Variants in MEI1 observed in about 807,000 individuals in gnomAD.
MEI1 encodes the protein meiosis inhibitor protein 1.
MEI1 carries 103 observed loss-of-function variants against 146.2 expected under a neutral mutation model. The observed-to-expected ratio is 0.70, with a 90% CI of 0.60 to 0.83. The LOEUF is 0.83. Ranked by LOEUF, MEI1 falls within the 40% of genes least tolerant of loss-of-function variation. MEI1 has a pLI of 0.00. For synonymous variants in MEI1, 652 were observed against 628.2 expected, an observed-to-expected ratio of 1.04 and a Z score of -0.57; for missense variants, 1,529 against 1,533.0, an observed-to-expected ratio of 1.00 and a Z score of 0.04.
intron 18 of MEI1, 116 bp downstream of exon 18, chr22:41,758,649 T>G: frequency 1.8e-6 from 2 of 1,089,952 alleles, no homozygotes; most frequent in South Asian, 3.4e-5. Flanking sequence ...GACACGGGGA[T>G]AAGTAAGAAA....
intron 17 of MEI1, among the ~76,000 whole-genome samples, chr22:41,754,398 A>C (rs972089595): frequency 6.6e-6 from 1 of 151,178 alleles, no homozygotes; most frequent in African/African-American, 2.5e-5. Flanking sequence ...TTCTTCATTC[A>C]TTCAAGTAGT....
chr22:41,722,729 C>T (rs1480431393), intron 6 of MEI1, among the ~76,000 whole-genome samples: 4 of 152,128 alleles, frequency 2.6e-5, no homozygotes, highest in Non-Finnish European at 5.9e-5. Flanking sequence ...TAGAAGCCTT[C>T]CCTGGGCCCC....
At chr22:41,732,755 C>T (rs1396951612) in intron 11 of MEI1, among the ~76,000 whole-genome samples, 152 bp downstream of exon 11, 1 of 151,436 alleles carries the variant, frequency 6.6e-6, no homozygotes, top group Non-Finnish European at 1.5e-5. Context: ...TCCATGGATT[C>T]AACCAACCAT....
chr22:41,757,714 C>G (rs973831200), intron 17 of MEI1, among the ~76,000 whole-genome samples: 2 of 152,140 alleles, frequency 1.3e-5, no homozygotes, highest in African/African-American at 4.8e-5. Flanking sequence ...CAATATAGCG[C>G]TGATCACATG....
chr22:41,752,219 G>A (rs1454347014), intron 15 of MEI1, among the ~76,000 whole-genome samples: 2 of 152,186 alleles, frequency 1.3e-5, no homozygotes, highest in African/African-American at 2.4e-5. Context: ...ACTGAAAGAA[G>A]GGATAGAAGG....
Position 41,718,856 on chromosome 22 carries a change from G to C in MEI1, c.733+582G>C, listed in dbSNP as rs539876573. On this transcript the variant is annotated intron_variant, in intron 6 of 30. Coordinates refer to ENST00000401548, the MANE Select transcript of MEI1 (RefSeq NM_152513.4). ...GCAAGAGAAAAAGCTAGAGGGGACT[G>C]AACTTGTCCTTTTTTTTCTTTTTTC... 3.4e-4 allele frequency among the ~76,000 whole-genome samples: 51 copies of C among 152,048 alleles called. 3 individuals carry two copies. In the South Asian group the frequency reaches 0.01, roughly 31 times the overall value.
intron 11 of MEI1, among the ~76,000 whole-genome samples, chr22:41,738,277 A>AC (rs922328938): frequency 7.3e-5 from 11 of 151,440 alleles, no homozygotes; most frequent in Non-Finnish European, 1.6e-4. Context: ...ACATGGTGAA[A>AC]CCCCATCTTT....
Position 41,795,908 on chromosome 22 carries a change from C to A in MEI1, c.3779+61C>A, listed in dbSNP as rs1026571254. On this transcript the variant is annotated intron_variant, in intron 30 of 30. Transcript: ENST00000401548. The surrounding 1 kb of genome is among the most constrained non-coding windows in gnomAD (Gnocchi z 4.2). ...AAATCACTGGGTGTTTGGGGCTTCTCTTCCTGGGCCAGTTTATGCGGTACC... is the reference window on the plus strand; with the variant it reads ...AAATCACTGGGTGTTTGGGGCTTCTATTCCTGGGCCAGTTTATGCGGTACC... 45 of 1,612,328 alleles carry A rather than the reference C, an allele frequency of 2.8e-5. 1 individual carries two copies. In the African/African-American group the frequency reaches 5.6e-4, roughly 20 times the overall value.
chr22:41,777,486 C>G (rs2075510089), intron 21 of MEI1, among the ~76,000 whole-genome samples: 1 of 152,146 alleles, frequency 6.6e-6, no homozygotes, highest in African/African-American at 2.4e-5. Flanking sequence ...AAGCGAAAGG[C>G]AATCTGTGGC....
Position 41,730,537 on chromosome 22 carries a change from T to C in MEI1, c.996T>C (p.His332=), listed in dbSNP as rs1479872383. Residue 332 remains histidine (H), a synonymous_variant, in exon 9 of 31, where the codon CAT becomes CAC. Coordinates refer to ENST00000401548, the MANE Select transcript of MEI1 (RefSeq NM_152513.4). ...HADIPEFLFE[H]LSSSSEVLVW... The stretch of plus-strand genomic sequence containing the variant: ...CCTTGTTAGAGTTCCTCTTTGAGCA[T>C]CTTTCTTCTTCCAGTGAAGTGCTCG... The C allele has an allele frequency of 1.2e-6, 2 of 1,613,060 alleles. No homozygotes were observed. Among genetic ancestry groups the C allele is most frequent in the African/African-American group, 2.7e-5 (2 of 74,926 alleles).
chr22:41,760,525 A>G (rs1054486711), intron 18 of MEI1, among the ~76,000 whole-genome samples: 3 of 151,866 alleles, frequency 2.0e-5, no homozygotes, highest in Non-Finnish European at 4.4e-5. Flanking sequence ...TAAATAATTA[A>G]TTAATAATAA....
intron 22 of MEI1, 66 bp downstream of exon 22, chr22:41,778,878 G>T: frequency 9.0e-7 from 1 of 1,112,702 alleles, no homozygotes; most frequent in Admixed American, 2.0e-5. Flanking sequence ...TGCTCACTAA[G>T]TAGGCTGGTG....
rs369989588 is a variant in MEI1 at position 41,758,338 on chromosome 22, G to A, written c.1952-27G>A. 4.4e-6 allele frequency: 7 copies of A among 1,599,944 alleles called. No individual in the cohort carries two copies. The African/African-American group carries it at 6.7e-5, about 15-fold the overall frequency. Reference sequence around the variant, plus strand: ...CCTGTTCTTCTATGTTCTCTGTGTGGCTTTCCTCTACTTATTCCCTCCCTA... The same window carrying A: ...CCTGTTCTTCTATGTTCTCTGTGTGACTTTCCTCTACTTATTCCCTCCCTA... On this transcript the variant is annotated intron_variant, in intron 17 of 30. Transcript: ENST00000401548.
intron 15 of MEI1, chr22:41,752,371 C>T (rs1381647737): frequency 1.8e-6 from 1 of 546,622 alleles, no homozygotes; most frequent in African/African-American, 1.9e-5. Flanking sequence ...ATTTATCTTA[C>T]TTAGCTTTAC....
At chr22:41,758,647 G>A in intron 18 of MEI1, 114 bp downstream of exon 18, 1 of 1,096,636 alleles carries the variant, frequency 9.1e-7, no homozygotes. Flanking sequence ...GGGACACGGG[G>A]ATAAGTAAGA....
chr22:41,703,654 T>A (rs1055903720), intron 2 of MEI1, among the ~76,000 whole-genome samples, 200 bp downstream of exon 2: 1 of 152,202 alleles, frequency 6.6e-6, no homozygotes, highest in Non-Finnish European at 1.5e-5. Context: ...CTGACTTTAC[T>A]AGAGCCAAGA....
intron 10 of MEI1, 43 bp downstream of exon 10, chr22:41,732,387 G>A: frequency 6.2e-7 from 1 of 1,613,224 alleles, no homozygotes; most frequent in South Asian, 1.1e-5. Flanking sequence ...GGGCCAGACT[G>A]CAGAAGGAAA....
chr22:41,735,341 C>T (rs892117690), intron 11 of MEI1, among the ~76,000 whole-genome samples: 5 of 148,936 alleles, frequency 3.4e-5, no homozygotes, highest in African/African-American at 1.2e-4. Flanking sequence ...AAGTGATTCT[C>T]CTCCTGCCAC....
chr22:41,753,959 C>T lies in MEI1; in HGVS notation c.1864C>T (p.Leu622=), dbSNP rs372305226. The T allele has an allele frequency of 8.7e-6, 14 of 1,612,332 alleles. No individual in the cohort carries two copies. Among genetic ancestry groups the T allele is most frequent in the South Asian group, 5.5e-5 (5 of 91,052 alleles). Residue 622 remains leucine (L), a synonymous_variant, in exon 17 of 31, where the codon CTA becomes TTA. Transcript: ENST00000401548. ...RFCSGLSHSA[L]NQVCSNFLYY... ...TCTTCTCCCTCTAAGTCACTCAGCC[C>T]TAAACCAGGTGTGTTCCAATTTCCT...
Sources: allele counts gnomAD v4.1 joint callset (sites outside exome capture counted in the v4.1 genomes callset), GRCh38; gene constraint gnomAD v4.1.1; non-coding constraint Gnocchi (gnomAD v3.1); transcripts MANE v1.5; gene names NCBI Gene and HGNC (gene_info 2026-07-23, HGNC 2026-07-21).